LNPK: variants seen among roughly 807,000 people sequenced by gnomAD.
LNPK encodes lunapark, ER junction formation factor, also known as endoplasmic reticulum junction formation protein lunapark.
LNPK carries 29 observed loss-of-function variants against 55.2 expected under a neutral mutation model. The ratio of observed to expected loss-of-function variants is 0.53; its 90% CI spans 0.39 to 0.72. The LOEUF (loss-of-function observed/expected upper bound fraction) is 0.72. Among genes scored for constraint, LNPK ranks in the 30% least tolerant of loss-of-function variants. LNPK has a pLI of 0.00. For synonymous variants in LNPK, 162 were observed against 168.2 expected, an observed-to-expected ratio of 0.96 and a Z score of 0.29; for missense variants, 467 against 494.8, an observed-to-expected ratio of 0.94 and a Z score of 0.53.
At position 175,930,227 on chromosome 2, in the gene LNPK, G is replaced by T. The variant is rs1161854785; in HGVS notation, c.1055-28C>A. ...GAAAAGATAAAGATTCAAAACTTTAGGAATACCTGAACGTTAAAACTGCTA... is the reference window on the plus strand; with the variant it reads ...GAAAAGATAAAGATTCAAAACTTTATGAATACCTGAACGTTAAAACTGCTA... On this transcript the variant is annotated intron_variant, in intron 12 of 12. Coordinates refer to ENST00000272748, the MANE Select transcript of LNPK (RefSeq NM_030650.3). 3 of 1,571,638 alleles carry T rather than the reference G, an allele frequency of 1.9e-6. No homozygotes were observed. The South Asian group carries it at 3.3e-5, about 17-fold the overall frequency.
chr2:175,964,461 C>T (rs1372922797), intron 7 of LNPK, 38 bp from the exon 8 acceptor site: 1 of 1,594,966 alleles, frequency 6.3e-7, no homozygotes, highest in South Asian at 1.1e-5. Context: ...TGACCTATTA[C>T]AATGTGTAAT....
At chr2:175,940,504 A>G (rs1684780941) in intron 9 of LNPK, among the ~76,000 whole-genome samples, 1 of 152,178 alleles carries the variant, frequency 6.6e-6, no homozygotes. Context: ...CCCATTTCCA[A>G]TCAGAGTGGG....
At chr2:175,975,740 G>A (rs1045501105) in intron 5 of LNPK, among the ~76,000 whole-genome samples, 1 of 152,224 alleles carries the variant, frequency 6.6e-6, no homozygotes, top group Non-Finnish European at 1.5e-5. Context: ...GCTGGGCGCA[G>A]TGGCCCATGC....
chr2:175,970,890 A>C lies in LNPK; in HGVS notation c.317-86T>G. 3 of 1,179,386 alleles carry C rather than the reference A, an allele frequency of 2.5e-6. No homozygotes were observed. In the East Asian group the frequency reaches 9.7e-5, roughly 38 times the overall value. 73.1% of individuals were successfully genotyped at this position (1,179,386 alleles called of 1,614,324 possible). On this transcript the variant is annotated intron_variant, in intron 5 of 12. Coordinates refer to ENST00000272748, the MANE Select transcript of LNPK (RefSeq NM_030650.3). ...AATGACACACGGTAGCAAACACAAG[A>C]AAACTTTCTTATTTTAGGATTTTTC...
chr2:175,989,446 A>G (rs1687586491), intron 4 of LNPK, among the ~76,000 whole-genome samples: 3 of 152,200 alleles, frequency 2.0e-5, no homozygotes, highest in Non-Finnish European at 2.9e-5. Context: ...CTAGAAAGTT[A>G]TAATTCGTAA....
chr2:175,959,056 A>G (rs1051641744), intron 8 of LNPK, among the ~76,000 whole-genome samples: 2 of 152,220 alleles, frequency 1.3e-5, no homozygotes, highest in Admixed American at 1.3e-4. Context: ...TCCAAGAAAT[A>G]TGGGACTATG....
intron 9 of LNPK, among the ~76,000 whole-genome samples, chr2:175,940,192 T>C (rs1684758554): frequency 6.6e-6 from 1 of 151,946 alleles, no homozygotes; most frequent in African/African-American, 2.4e-5. Flanking sequence ...TTATTGCCTA[T>C]AGAGAGTTTC....
chr2:175,956,130 A>T (rs561280265), intron 8 of LNPK, among the ~76,000 whole-genome samples: 1 of 152,042 alleles, frequency 6.6e-6, no homozygotes, highest in South Asian at 2.1e-4. Flanking sequence ...AAGTTAAAAA[A>T]TTAGCTGGGC....
At chr2:175,963,191 C>A (rs1443920746) in intron 8 of LNPK, among the ~76,000 whole-genome samples, 1 of 151,156 alleles carries the variant, frequency 6.6e-6, no homozygotes, top group Non-Finnish European at 1.5e-5. Context: ...TTGACCCAGC[C>A]ATCCCATTAC....
Position 175,939,570 on chromosome 2 carries a change from C to G in LNPK, c.794G>C (p.Gly265Ala). The G allele has an allele frequency of 1.3e-6, 2 of 1,590,262 alleles. No individual in the cohort carries two copies. The highest frequency in any genetic ancestry group is 1.7e-6 in the Non-Finnish European group (2 of 1,160,104). The change falls in exon 10 of 13, where the codon GGT (glycine) becomes GCT (alanine). Residue 265 changes from glycine (G) to alanine (A), a missense_variant. Gly to Ala is a moderately conservative substitution (Grantham distance 60, BLOSUM62 0). Transcript: ENST00000272748. ...ATATTACCTGTTTTGTGGACCATCA[C>G]CAACCAAATATTCAACAATTCTATC... ...ALDRIVEYLV[G>A]DGPQNRYALI...
At chr2:175,933,776 C>T (rs551492805) in intron 12 of LNPK, among the ~76,000 whole-genome samples, 2 of 141,966 alleles carry the variant, frequency 1.4e-5, no homozygotes, top group South Asian at 2.2e-4. Context: ...CTGTCACCCA[C>T]GCTGGAGTGC....
chr2:175,992,522 T>C (rs1487442333), intron 3 of LNPK, 104 bp from the exon 4 acceptor site: 1 of 661,602 alleles, frequency 1.5e-6, no homozygotes, highest in Non-Finnish European at 2.4e-6. Flanking sequence ...AAAACTCTTA[T>C]TTAAAGTTCA....
intron 9 of LNPK, among the ~76,000 whole-genome samples, chr2:175,943,517 C>A (rs977880286): frequency 6.6e-6 from 1 of 151,752 alleles, no homozygotes; most frequent in African/African-American, 2.4e-5. Flanking sequence ...ACATTTTTAA[C>A]AAAATATTAG....
rs1001868600 is a variant in LNPK, at chr2:175,929,451, G to C, written c.*516C>G. 5 of 986,774 alleles carry C rather than the reference G, an allele frequency of 5.1e-6. No individual in the cohort carries two copies. The highest frequency in any genetic ancestry group is 6.0e-6 in the Non-Finnish European group (5 of 830,666). 61.1% of individuals were successfully genotyped at this position (986,774 alleles called of 1,614,324 possible). Reference sequence around the variant, plus strand: ...ATTGAGAATTCGTACCAGTGCCTATGTGGTAACAACTTTCATACCGCTTAA... The same window carrying C: ...ATTGAGAATTCGTACCAGTGCCTATCTGGTAACAACTTTCATACCGCTTAA... On this transcript the variant is annotated 3_prime_UTR_variant, in exon 13 of 13. Coordinates refer to ENST00000272748, the MANE Select transcript of LNPK (RefSeq NM_030650.3).
chr2:175,959,281 T>G (rs1685879593), intron 8 of LNPK, among the ~76,000 whole-genome samples: 1 of 152,064 alleles, frequency 6.6e-6, no homozygotes, highest in Non-Finnish European at 1.5e-5. Context: ...TCACCAAGGT[T>G]GAAATGCAGG....
intron 6 of LNPK, 115 bp downstream of exon 6, chr2:175,970,649 G>A: frequency 2.0e-6 from 1 of 493,180 alleles, no homozygotes; most frequent in Non-Finnish European, 3.1e-6. Flanking sequence ...TCATTAAAAT[G>A]CTATCTAAAA....
intron 8 of LNPK, among the ~76,000 whole-genome samples, chr2:175,962,739 G>A (rs1048084843): frequency 2.6e-5 from 4 of 152,130 alleles, no homozygotes; most frequent in South Asian, 2.1e-4. Flanking sequence ...CTGCACAGCA[G>A]AAGAAACTAC....
At chr2:175,986,271 CA>C (rs551868702) in intron 4 of LNPK, among the ~76,000 whole-genome samples, 5 of 151,640 alleles carry the variant, frequency 3.3e-5, no homozygotes, top group Non-Finnish European at 7.4e-5. Context: ...AACATTCCAC[CA>C]AAAAAACTCA....
At chr2:175,954,876 A>G (rs1685616872) in intron 8 of LNPK, among the ~76,000 whole-genome samples, 2 of 152,348 alleles carry the variant, frequency 1.3e-5, no homozygotes, top group South Asian at 4.1e-4. Flanking sequence ...TTGCATATAG[A>G]GGTAGCAAGC....
Sources: gnomAD v4.1 joint callset for allele counts (sites outside exome capture counted in the v4.1 genomes callset) on GRCh38, gnomAD v4.1.1 for gene constraint, MANE v1.5 for transcripts, NCBI Gene and HGNC (gene_info 2026-07-23, HGNC 2026-07-21) for gene names.